TINAG: variants seen among roughly 807,000 people sequenced by gnomAD.
TINAG encodes the protein tubulointerstitial nephritis antigen.
TINAG carries 83 observed loss-of-function variants against 72.7 expected under a neutral mutation model. The observed-to-expected ratio is 1.14, with a 90% CI of 0.96 to 1.37. The LOEUF is 1.37. TINAG is among the 40% of genes most tolerant of loss of function. The pLI is 0.00. For missense variants in TINAG, 685 were observed against 576.6 expected (o/e 1.19, Z -1.93); for synonymous variants, 234 against 189.9 (o/e 1.23, Z -1.91).
intron 9 of TINAG, among the ~76,000 whole-genome samples, chr6:54,370,580 A>C (rs1763573186): frequency 2.0e-5 from 3 of 152,070 alleles, no homozygotes; most frequent in Non-Finnish European, 4.4e-5. Context: ...TATGGAGATG[A>C]ATAACATGGA....
At chr6:54,362,825 C>A (rs1277495458) in intron 9 of TINAG, among the ~76,000 whole-genome samples, 2 of 151,156 alleles carry the variant, frequency 1.3e-5, no homozygotes, top group Non-Finnish European at 3.0e-5. Context: ...GAAGTTGATT[C>A]CAGTCCTCAG....
In TINAG at chr6:54,308,707, C is replaced by T; in HGVS notation, c.157C>T (p.Gln53Ter). ...TACTCGATTCAAAAGAGCCATTTTC[C>T]AAGGGCAATACTGTAGAAATTTTGG... Reference protein sequence around the residue: ...QGTRFKRAIFQGQYCRNFGCC... With the variant: ...QGTRFKRAIF Residue 53 changes from glutamine (Q) to a stop codon, truncating the protein, a stop_gained, in exon 1 of 11, where the codon CAA (glutamine) becomes TAA (stop). Transcript: ENST00000259782. LOFTEE classifies it high-confidence loss of function. The T allele has an allele frequency of 1.2e-6, 2 of 1,613,838 alleles. No individual in the cohort carries two copies. The highest frequency in any genetic ancestry group is 1.7e-5 in the Admixed American group (1 of 59,936).
rs773894936 is a variant in TINAG, at chr6:54,349,862, A to G, written c.1046A>G (p.Tyr349Cys). ...AACGTAGAAAAATCTAACAGGATCTATCAATGTTCTCCTCCATACAGAGTC... is the reference window on the plus strand; with the variant it reads ...AACGTAGAAAAATCTAACAGGATCTGTCAATGTTCTCCTCCATACAGAGTC... ...PNNVEKSNRI[Y>C]QCSPPYRVSS... Residue 349 changes from tyrosine to cysteine, a missense_variant, in exon 7 of 11, where the codon TAT (tyrosine) becomes TGT (cysteine). Coordinates refer to ENST00000259782, the MANE Select transcript of TINAG (RefSeq NM_014464.4). 11 of 1,608,546 alleles carry G rather than the reference A, an allele frequency of 6.8e-6. No individual in the cohort carries two copies. Among genetic ancestry groups the G allele is most frequent in the East Asian group, 2.2e-5 (1 of 44,678 alleles).
At chr6:54,354,658 C>A (rs1017912440) in intron 9 of TINAG, 22 bp downstream of exon 9, 2 of 1,597,686 alleles carry the variant, frequency 1.3e-6, no homozygotes, top group African/African-American at 1.4e-5. Flanking sequence ...AAACAAAATT[C>A]ATTTAATTCT....
chr6:54,330,502 G>A (rs559573833), intron 4 of TINAG, among the ~76,000 whole-genome samples: 39 of 152,166 alleles, frequency 2.6e-4, no homozygotes, highest in African/African-American at 8.9e-4. Context: ...TGGATAAAAT[G>A]AGAAAGATCT....
intron 9 of TINAG, among the ~76,000 whole-genome samples, chr6:54,371,568 A>ATTATTTATTTAT (rs981830731): frequency 6.6e-6 from 1 of 151,710 alleles, no homozygotes; most frequent in Non-Finnish European, 1.5e-5. Context: ...TTTAAAATTT[A>ATTATTTATTTAT]TTATTTATTT....
intron 10 of TINAG, among the ~76,000 whole-genome samples, chr6:54,389,492 C>G (rs1764186141): frequency 1.3e-5 from 2 of 152,142 alleles, no homozygotes; most frequent in African/African-American, 4.8e-5. Context: ...GTAGACAACT[C>G]TATAACTGCA....
At chr6:54,353,395 G>A (rs1430468061) in intron 8 of TINAG, among the ~76,000 whole-genome samples, 2 of 151,782 alleles carry the variant, frequency 1.3e-5, no homozygotes, top group Admixed American at 1.3e-4. Context: ...CATTTCCCCT[G>A]TCTCAGTACG....
intron 8 of TINAG, among the ~76,000 whole-genome samples, chr6:54,351,788 T>C (rs900910110): frequency 2.0e-5 from 3 of 151,938 alleles, no homozygotes; most frequent in Non-Finnish European, 4.4e-5. Context: ...TTTTCTTATC[T>C]TCAGTTTAAA....
In TINAG at chr6:54,310,814, C is replaced by T. The variant is rs556402924; in HGVS notation, c.355+1909C>T. Among the ~76,000 whole-genome samples the T allele has an allele frequency of 2.7e-5, 4 of 146,074 alleles. No individual in the cohort carries two copies. In the East Asian group the frequency reaches 8.2e-4, roughly 30 times the overall value. On this transcript the variant is annotated intron_variant, in intron 1 of 10. Transcript: ENST00000259782. The stretch of plus-strand genomic sequence containing the variant: ...TTCTTTTTTCTCTCTCTCTTTCTCT[C>T]CCTCTTTCTTTCTCTTTCTTTTTTC...
chr6:54,357,079 C>T (rs1342532064), intron 9 of TINAG, among the ~76,000 whole-genome samples: 4 of 151,860 alleles, frequency 2.6e-5, no homozygotes, highest in Non-Finnish European at 5.9e-5. Context: ...TTACTCCCGT[C>T]CTCTTCACAA....
At position 54,310,865 on chromosome 6, in the gene TINAG, TTC is replaced by T. The variant is rs202036377; in HGVS notation, c.355+1964_355+1965del. On this transcript the variant is annotated intron_variant, in intron 1 of 10. Coordinates refer to ENST00000259782, the MANE Select transcript of TINAG (RefSeq NM_014464.4). Reference sequence around the variant, plus strand: ...TCTCTCTCTTTCTCTCGCTCTTTCTTTCTCTTTCTTTTTTTCTCTCTCTATTT... The same window carrying T: ...TCTCTCTCTTTCTCTCGCTCTTTCTTTCTTTCTTTTTTTCTCTCTCTATTT... Among the ~76,000 whole-genome samples the T allele has an allele frequency of 8.4e-3, 1,216 of 145,348 alleles. 39 individuals are homozygous for T. The highest frequency in any genetic ancestry group is 0.055 in the East Asian group (267 of 4,820).
chr6:54,351,530 T>G, intron 8 of TINAG, 133 bp downstream of exon 8: 1 of 700,120 alleles, frequency 1.4e-6, no homozygotes, highest in Non-Finnish European at 2.3e-6. Flanking sequence ...GCTTCAACAG[T>G]TCTAAAATGA....
intron 8 of TINAG, among the ~76,000 whole-genome samples, chr6:54,351,747 A>G (rs1785271501): frequency 6.6e-6 from 1 of 151,932 alleles, no homozygotes; most frequent in Non-Finnish European, 1.5e-5. Flanking sequence ...TACTTTATTT[A>G]TTCAGTCATA....
chr6:54,349,404 C>T (rs1056352162), intron 6 of TINAG, among the ~76,000 whole-genome samples: 2 of 151,894 alleles, frequency 1.3e-5, no homozygotes, highest in Non-Finnish European at 2.9e-5. Context: ...GGTCCTTCCC[C>T]TATTAATATT....
At chr6:54,380,494 A>G (rs577230456) in intron 9 of TINAG, 32 bp from the exon 10 acceptor site, 2 of 1,586,976 alleles carry the variant, frequency 1.3e-6, no homozygotes, top group South Asian at 2.3e-5. Flanking sequence ...CATTTTAACC[A>G]TACCAATCTT....
At chr6:54,369,443 T>C (rs1432220848) in intron 9 of TINAG, among the ~76,000 whole-genome samples, 3 of 151,900 alleles carry the variant, frequency 2.0e-5, no homozygotes, top group Admixed American at 2.0e-4. Flanking sequence ...CACATATATA[T>C]GATAATCTCT....
In TINAG at chr6:54,354,572, A is replaced by T; in HGVS notation, c.1186A>T (p.Thr396Ser). The change falls in exon 9 of 11, where the codon ACC (threonine) becomes TCC (serine). Residue 396 changes from threonine (T) to serine (S), a missense_variant. By Grantham distance (58) the Thr-to-Ser change is moderately conservative. Transcript: ENST00000259782. ...TAAGACAGGGATATACAGACATGTTACCAGCACAAATAAAGAATCAGAAAA... is the reference window on the plus strand; with the variant it reads ...TAAGACAGGGATATACAGACATGTTTCCAGCACAAATAAAGAATCAGAAAA... ...HYKTGIYRHV[T>S]STNKESEKYR... The T allele has an allele frequency of 6.2e-7, 1 of 1,610,932 alleles. No homozygotes were observed. Among genetic ancestry groups the T allele is most frequent in the Non-Finnish European group, 8.5e-7 (1 of 1,178,146 alleles).
At chr6:54,351,599 A>T (rs556625672) in intron 8 of TINAG, among the ~76,000 whole-genome samples, 3 of 152,072 alleles carry the variant, frequency 2.0e-5, no homozygotes, top group Admixed American at 6.6e-5. Context: ...TTATTTTCAG[A>T]AGATAGACTC....
Sources: allele counts gnomAD v4.1 joint callset (sites outside exome capture counted in the v4.1 genomes callset), GRCh38; gene constraint gnomAD v4.1.1; transcripts MANE v1.5; gene names NCBI Gene and HGNC (gene_info 2026-07-23, HGNC 2026-07-21).